Variants in SNAPC3 observed in about 807,000 individuals in gnomAD.
SNAPC3 encodes the protein snRNA-activating protein complex subunit 3.
A neutral mutation model predicts 47.7 loss-of-function variants in SNAPC3; 56 were observed. The ratio of observed to expected loss-of-function variants is 1.18; its 90% CI spans 0.95 to 1.47. The LOEUF (loss-of-function observed/expected upper bound fraction) is 1.47, where lower values mean the gene tolerates loss of function less well. Ranked by LOEUF, SNAPC3 falls within the 40% of genes most tolerant of loss-of-function variation. The pLI, the probability that SNAPC3 is intolerant of heterozygous loss-of-function variation, is 0.00. For missense variants in SNAPC3, 665 were observed against 511.3 expected (o/e 1.30, Z -2.90); for synonymous variants, 235 against 189.9 (o/e 1.24, Z -1.95).
intron 2 of SNAPC3, among the ~76,000 whole-genome samples, chr9:15,427,671 A>C (rs1267849224): frequency 6.6e-6 from 1 of 152,192 alleles, no homozygotes; most frequent in East Asian, 1.9e-4. Flanking sequence ...CTTTTAATAC[A>C]ATAGAAATTT....
chr9:15,440,255 T>C (rs1377231457), intron 3 of SNAPC3, among the ~76,000 whole-genome samples: 1 of 152,232 alleles, frequency 6.6e-6, no homozygotes, highest in East Asian at 1.9e-4. Context: ...TTACCTGTGT[T>C]GTTCCCTTTA....
At chr9:15,445,193 G>T (rs185003290) in intron 4 of SNAPC3, among the ~76,000 whole-genome samples, 65 of 152,240 alleles carry the variant, frequency 4.3e-4, no homozygotes, top group Admixed American at 2.6e-3. Flanking sequence ...TGGAAATAAG[G>T]TCAAATTTCA....
Position 15,453,033 on chromosome 9 carries a change from C to T in SNAPC3, c.816-8C>T, listed in dbSNP as rs781002347. 8.1e-6 allele frequency: 13 copies of T among 1,596,632 alleles called. No individual in the cohort carries two copies. The Admixed American group carries it at 8.9e-5, about 11-fold the overall frequency. ...AAAATGATATATCCTTGCCTTTTCCCCCCTCAGAACTATCATTGAGTGGTC... is the reference window on the plus strand; with the variant it reads ...AAAATGATATATCCTTGCCTTTTCCTCCCTCAGAACTATCATTGAGTGGTC... On this transcript the variant is annotated splice_region_variant and splice_polypyrimidine_tract_variant and intron_variant, in intron 6 of 8. Coordinates refer to ENST00000380821, the MANE Select transcript of SNAPC3 (RefSeq NM_001039697.2).
In SNAPC3 at chr9:15,447,077, T is replaced by G. The variant is rs1436675428; in HGVS notation, c.583-18T>G. 6.2e-7 allele frequency: 1 copy of G among 1,610,952 alleles called. No individual in the cohort carries two copies. Among genetic ancestry groups the G allele is most frequent in the South Asian group, 1.1e-5 (1 of 91,016 alleles). On this transcript the variant is annotated intron_variant, in intron 4 of 8. Transcript: ENST00000380821. ...GCTTTGTCTCTAAATGAACACTTATTTATTCTTTGACTTTTAGCACAAAGA... is the reference window on the plus strand; with the variant it reads ...GCTTTGTCTCTAAATGAACACTTATGTATTCTTTGACTTTTAGCACAAAGA...
chr9:15,426,813 T>C (rs1013744372), intron 2 of SNAPC3, among the ~76,000 whole-genome samples: 6 of 152,218 alleles, frequency 3.9e-5, no homozygotes, highest in Admixed American at 6.5e-5. Flanking sequence ...GGTAGAATTA[T>C]ATATAATCTA....
intron 2 of SNAPC3, among the ~76,000 whole-genome samples, chr9:15,424,340 AT>A (rs1203202531): frequency 6.6e-6 from 1 of 152,158 alleles, no homozygotes; most frequent in Admixed American, 6.5e-5. Flanking sequence ...ACTTGTGTTT[AT>A]TTTTTAATAT....
chr9:15,453,335 C>T, intron 7 of SNAPC3, 130 bp downstream of exon 7: 3 of 612,536 alleles, frequency 4.9e-6, no homozygotes, highest in Non-Finnish European at 8.2e-6. Context: ...TTGGGAGCAG[C>T]AAAAATACTG....
intron 3 of SNAPC3, among the ~76,000 whole-genome samples, chr9:15,436,770 C>G (rs540228373): frequency 7.3e-5 from 11 of 151,314 alleles, no homozygotes; most frequent in African/African-American, 2.7e-4. Context: ...TCTTCCAATC[C>G]ATGAATGAGA....
At chr9:15,455,251 T>TA (rs1238070831) in intron 7 of SNAPC3, among the ~76,000 whole-genome samples, 2 of 152,134 alleles carry the variant, frequency 1.3e-5, no homozygotes, top group African/African-American at 4.8e-5. Context: ...ACAGTACATT[T>TA]ATGTCTTTGA....
intron 3 of SNAPC3, among the ~76,000 whole-genome samples, chr9:15,441,284 G>C (rs919237000): frequency 6.8e-6 from 1 of 146,916 alleles, no homozygotes; most frequent in Non-Finnish European, 1.5e-5. Context: ...GAATCATGTA[G>C]TAGTTCTACT....
At chr9:15,428,440 C>A (rs1432704966) in intron 2 of SNAPC3, among the ~76,000 whole-genome samples, 3 of 144,200 alleles carry the variant, frequency 2.1e-5, no homozygotes, top group Admixed American at 1.4e-4. Flanking sequence ...ACCTGGGAGG[C>A]GGAGCTTGCA....
At chr9:15,466,728 C>A, downstream of SNAPC3, 1 of 1,565,244 alleles carries the variant, frequency 6.4e-7, no homozygotes, top group Non-Finnish European at 8.8e-7. Context: ...ACACAAGACC[C>A]ATTAAAACCT....
intron 2 of SNAPC3, among the ~76,000 whole-genome samples, chr9:15,430,404 C>T (rs781673170): frequency 6.6e-6 from 1 of 151,950 alleles, no homozygotes; most frequent in African/African-American, 2.4e-5. Context: ...TCCACTCCAG[C>T]CTGGGCAACA....
downstream of SNAPC3, chr9:15,463,425 T>TA (rs1434237381): frequency 1.5e-5 from 2 of 133,530 alleles, 1 homozygote; most frequent in Non-Finnish European, 3.1e-5. Context: ...TCAAAACACA[T>TA]ACGTACATAC....
chr9:15,439,542 T>A (rs985365549), intron 3 of SNAPC3, among the ~76,000 whole-genome samples: 8 of 152,074 alleles, frequency 5.3e-5, no homozygotes, highest in Non-Finnish European at 8.8e-5. Flanking sequence ...AAGGATTACT[T>A]TGTTTTTTTT....
chr9:15,427,130 A>G (rs879943689), intron 2 of SNAPC3, among the ~76,000 whole-genome samples: 4 of 152,214 alleles, frequency 2.6e-5, no homozygotes, highest in Non-Finnish European at 5.9e-5. Context: ...TTATGCATAT[A>G]AGGGACCAAA....
intron 3 of SNAPC3, among the ~76,000 whole-genome samples, chr9:15,443,860 G>T (rs1400080287): frequency 2.0e-5 from 3 of 152,190 alleles, no homozygotes; most frequent in Non-Finnish European, 4.4e-5. Flanking sequence ...GCTTACTAAT[G>T]AAAAGCAGCA....
downstream of SNAPC3, chr9:15,462,703 T>G (rs2132007195): frequency 6.6e-6 from 1 of 152,318 alleles, no homozygotes; most frequent in East Asian, 1.9e-4. Context: ...TCAGTACCAT[T>G]TAAGGACAAT....
intron 2 of SNAPC3, among the ~76,000 whole-genome samples, chr9:15,427,880 CAG>C (rs1380033598): frequency 2.0e-5 from 3 of 151,984 alleles, no homozygotes; most frequent in Non-Finnish European, 2.9e-5. Context: ...AAAACTTAAA[CAG>C]GGTGGAGTGC....
Sources: gnomAD v4.1 joint callset for allele counts (sites outside exome capture counted in the v4.1 genomes callset) on GRCh38, gnomAD v4.1.1 for gene constraint, MANE v1.5 for transcripts, NCBI Gene and HGNC (gene_info 2026-07-23, HGNC 2026-07-21) for gene names.